FA2H: variants seen among roughly 807,000 people sequenced by gnomAD.
FA2H encodes the protein fatty acid alpha-hydroxylase.
FA2H carries 22 observed loss-of-function variants against 44.9 expected under a neutral mutation model. The ratio of observed to expected loss-of-function variants is 0.49; its 90% CI spans 0.35 to 0.70. The LOEUF (loss-of-function observed/expected upper bound fraction) is 0.70, where lower values mean the gene tolerates loss of function less well. Ranked by LOEUF, FA2H falls within the 30% of genes least tolerant of loss-of-function variation. The pLI, the probability that FA2H is intolerant of heterozygous loss-of-function variation, is 0.01. For synonymous variants in FA2H, 243 were observed against 213.2 expected (o/e 1.14, Z -1.22); for missense variants, 501 against 504.9 (o/e 0.99, Z 0.07).
intron 3 of FA2H, 26 bp from the exon 4 acceptor site, chr16:74,726,357 G>A (rs1418905006): frequency 7.1e-7 from 1 of 1,413,090 alleles, no homozygotes; most frequent in African/African-American, 1.4e-5. Flanking sequence ...CAGGGTGAGA[G>A]AGATACATGC....
At chr16:74,773,960 C>G (rs936855519) in intron 1 of FA2H, among the ~76,000 whole-genome samples, 7 of 152,158 alleles carry the variant, frequency 4.6e-5, no homozygotes, top group African/African-American at 1.7e-4. Context: ...ATGGCCCAGG[C>G]AAGGCCAGGG....
At chr16:74,720,353 A>C (rs555472910) in intron 4 of FA2H, among the ~76,000 whole-genome samples, 11 of 150,620 alleles carry the variant, frequency 7.3e-5, no homozygotes, top group Admixed American at 7.3e-4. Flanking sequence ...GTGCCACCAC[A>C]CCTGGCTAAT....
intron 2 of FA2H, among the ~76,000 whole-genome samples, chr16:74,736,369 G>A (rs983160536): frequency 6.6e-6 from 1 of 152,222 alleles, no homozygotes; most frequent in Non-Finnish European, 1.5e-5. Context: ...AGGGTGCCTA[G>A]AGGAGAGCCA....
chr16:74,714,014 G>A lies in FA2H; in HGVS notation c.*176C>T. On this transcript the variant is annotated 3_prime_UTR_variant, in exon 7 of 7. Coordinates refer to ENST00000219368, the MANE Select transcript of FA2H (RefSeq NM_024306.5). ...AAGTGGATGTGACCCTCCTACCAGG[G>A]GTCAGGAGGGCGGTCCTGCCTCAGG... 1 of 597,558 alleles carries A rather than the reference G, an allele frequency of 1.7e-6. No homozygotes were observed. Among genetic ancestry groups the A allele is most frequent in the East Asian group, 2.8e-5 (1 of 35,894 alleles). The allele number at this position is 597,558 out of a possible 1,614,324, so 37.0% of individuals were successfully genotyped here.
intron 5 of FA2H, 109 bp from the exon 6 acceptor site, chr16:74,716,708 A>AAGCCTACGCAGTGGAATGT: frequency 7.7e-7 from 1 of 1,302,254 alleles, no homozygotes; most frequent in Non-Finnish European, 1.0e-6. Flanking sequence ...CAGACATTCC[A>AAGCCTACGCAGTGGAATGT]CTGCGTAGGC....
intron 4 of FA2H, among the ~76,000 whole-genome samples, chr16:74,723,017 C>A (rs913253756): frequency 1.6e-4 from 24 of 152,000 alleles, no homozygotes; most frequent in African/African-American, 5.8e-4. Flanking sequence ...TTTTTTAGTC[C>A]ACCTCTAAGC....
intron 2 of FA2H, among the ~76,000 whole-genome samples, chr16:74,734,142 G>T (rs1962134826): frequency 6.6e-6 from 1 of 152,250 alleles, no homozygotes; most frequent in Non-Finnish European, 1.5e-5. Flanking sequence ...GGAAGGCATG[G>T]GTCTGTGGGC....
intron 1 of FA2H, among the ~76,000 whole-genome samples, chr16:74,773,012 A>G (rs746458075): frequency 2.6e-5 from 4 of 152,014 alleles, no homozygotes; most frequent in Non-Finnish European, 4.4e-5. Flanking sequence ...AGTAGCTAGA[A>G]TTATAGCCAC....
chr16:74,774,449 G>A (rs773892756), intron 1 of FA2H, 37 bp downstream of exon 1: 8 of 1,483,940 alleles, frequency 5.4e-6, no homozygotes, highest in Non-Finnish European at 7.1e-6. Context: ...GCTGACGGAG[G>A]CCTGGGTTGG....
intron 2 of FA2H, among the ~76,000 whole-genome samples, chr16:74,733,974 C>G (rs933836251): frequency 6.6e-6 from 1 of 152,204 alleles, no homozygotes; most frequent in Non-Finnish European, 1.5e-5. Flanking sequence ...GCAGGGAAGG[C>G]CCCCTTCTAC....
chr16:74,742,036 T>C (rs551897911), intron 1 of FA2H, among the ~76,000 whole-genome samples: 1 of 151,980 alleles, frequency 6.6e-6, no homozygotes, highest in Admixed American at 6.6e-5. Context: ...AATACTCCAG[T>C]GGTGTGATAG....
chr16:74,731,158 T>G (rs1962063667), intron 2 of FA2H, among the ~76,000 whole-genome samples: 2 of 148,916 alleles, frequency 1.3e-5, no homozygotes, highest in African/African-American at 4.9e-5. Context: ...TCTCTGCCAT[T>G]TTTTTTTTTT....
intron 2 of FA2H, among the ~76,000 whole-genome samples, chr16:74,728,704 G>A (rs1363185490): frequency 1.3e-5 from 2 of 152,028 alleles, no homozygotes; most frequent in Non-Finnish European, 2.9e-5. Context: ...CCCAGAGGCA[G>A]GGAGAAAATA....
chr16:74,773,562 T>C (rs1168643640), intron 1 of FA2H, among the ~76,000 whole-genome samples: 1 of 152,144 alleles, frequency 6.6e-6, no homozygotes, highest in Non-Finnish European at 1.5e-5. Context: ...CCTGGAATCC[T>C]GTGGACTAGG....
Position 74,735,571 on chromosome 16 carries a change from T to C in FA2H, c.363+4452A>G, listed in dbSNP as rs149063297. On this transcript the variant is annotated intron_variant, in intron 2 of 6. Coordinates refer to ENST00000219368, the MANE Select transcript of FA2H (RefSeq NM_024306.5). Reference sequence around the variant, plus strand: ...AGAAAGCAGGCATGACCTCTGCCCTTAGGGCTGAAGACGAGCGAAGGGAGC... The same window carrying C: ...AGAAAGCAGGCATGACCTCTGCCCTCAGGGCTGAAGACGAGCGAAGGGAGC... 5.2e-3 allele frequency among the ~76,000 whole-genome samples: 794 copies of C among 152,234 alleles called. 6 individuals are homozygous for C. The highest frequency in any genetic ancestry group is 0.01 in the Middle Eastern group (3 of 292).
intron 2 of FA2H, among the ~76,000 whole-genome samples, chr16:74,730,234 A>G (rs1203983093): frequency 2.6e-5 from 4 of 152,076 alleles, no homozygotes; most frequent in African/African-American, 7.2e-5. Flanking sequence ...ACCAGGGTGA[A>G]GGGCCCAAAG....
At chr16:74,719,789 C>G (rs1489729270) in intron 4 of FA2H, among the ~76,000 whole-genome samples, 2 of 151,998 alleles carry the variant, frequency 1.3e-5, no homozygotes, top group Admixed American at 6.6e-5. Context: ...CTCCCAGACT[C>G]AAGCAATTCT....
intron 1 of FA2H, among the ~76,000 whole-genome samples, chr16:74,757,092 T>C (rs1004473771): frequency 1.4e-5 from 2 of 143,966 alleles, no homozygotes; most frequent in Non-Finnish European, 3.0e-5. Context: ...GGAAGAAAAA[T>C]AGTAACACAG....
rs150795488 is a variant in FA2H, at chr16:74,714,216, C to G, written c.1093G>C (p.Glu365Gln). The G allele has an allele frequency of 9.4e-5, 148 of 1,566,368 alleles. No individual in the cohort carries two copies. The highest frequency in any genetic ancestry group is 1.2e-4 in the Non-Finnish European group (137 of 1,155,152). The stretch of plus-strand genomic sequence containing the variant: ...CACTGCGTCTTCAGGTGGGGTTTCT[C>G]TGGAGTGAGGGTGTGGAAACAGTAA... ...WDYCFHTLTPEKPHLKTQ is the reference protein window; with the variant it reads ...WDYCFHTLTPQKPHLKTQ The change falls in exon 7 of 7, where the codon GAG becomes CAG. Residue 365 changes from glutamate (E) to glutamine (Q), a missense_variant. Glu to Gln is a conservative substitution (Grantham distance 29). Transcript: ENST00000219368.
Sources: allele counts gnomAD v4.1 joint callset (sites outside exome capture counted in the v4.1 genomes callset), GRCh38; gene constraint gnomAD v4.1.1; transcripts MANE v1.5; gene names NCBI Gene and HGNC (gene_info 2026-07-23, HGNC 2026-07-21).